The following INO80D variants were observed in gnomAD, a reference collection of about 807,000 sequenced individuals.
INO80D encodes the protein INO80 complex subunit D.
INO80D carries 21 observed loss-of-function variants against 87.6 expected under a neutral mutation model. The observed-to-expected ratio is 0.24, with a 90% CI of 0.17 to 0.35. The LOEUF (loss-of-function observed/expected upper bound fraction) is 0.35. Among genes scored for constraint, INO80D ranks in the 10% least tolerant of loss-of-function variants. The pLI, the probability that INO80D is intolerant of heterozygous loss-of-function variation, is 1.00. For missense variants in INO80D, 982 were observed against 1,280.7 expected, an observed-to-expected ratio of 0.77 and a Z score of 3.56; for synonymous variants, 440 against 491.0, an observed-to-expected ratio of 0.90 and a Z score of 1.37.
Position 206,062,936 on chromosome 2 carries a change from C to A in INO80D, c.81G>T (p.Gln27His). The change falls in exon 3 of 11, where the codon CAG (glutamine) becomes CAT (histidine). Residue 27 changes from glutamine (Q) to histidine (H), a missense_variant. Gln to His is a conservative substitution (Grantham distance 24). Coordinates refer to ENST00000403263, the MANE Select transcript of INO80D (RefSeq NM_017759.5). The surrounding 1 kb of genome is among the most constrained non-coding windows in gnomAD (Gnocchi z 4.6). ...AGAAGGCGTAGCCGTTGAGTCGCCT[C>A]TGCTTGCACAGTTTGGGGCTATATG... ...LCSYSPKLCK[Q>H]RRLNGYAFCI... 6.2e-7 allele frequency: 1 copy of A among 1,613,514 alleles called. No homozygotes were observed. Among genetic ancestry groups the A allele is most frequent in the Non-Finnish European group, 8.5e-7 (1 of 1,179,788 alleles).
intron 5 of INO80D, among the ~76,000 whole-genome samples, chr2:206,044,039 A>G (rs1023661571): frequency 6.6e-6 from 1 of 152,036 alleles, no homozygotes; most frequent in Non-Finnish European, 1.5e-5. Flanking sequence ...CAAAAAACTT[A>G]AAAATTAGCC....
intron 1 of INO80D, among the ~76,000 whole-genome samples, chr2:206,079,862 A>G (rs761645164): frequency 8.5e-5 from 13 of 152,092 alleles, no homozygotes; most frequent in Non-Finnish European, 1.8e-4. Context: ...CTGGGAGGTA[A>G]CAGAACCACA....
rs1247602393 is a variant in INO80D at position 205,998,926 on chromosome 2, C to T, written c.*5442G>A. On this transcript the variant is annotated 3_prime_UTR_variant, in exon 11 of 11. Coordinates refer to ENST00000403263, the MANE Select transcript of INO80D (RefSeq NM_017759.5). Reference sequence around the variant, plus strand: ...CTATCACTGTTGAGAGGAACAGATTCAACCCTTCCAAACAGATGAAGACAA... The same window carrying T: ...CTATCACTGTTGAGAGGAACAGATTTAACCCTTCCAAACAGATGAAGACAA... 1 of 152,234 alleles carries T rather than the reference C, an allele frequency of 6.6e-6. No homozygotes were observed. The highest frequency in any genetic ancestry group is 1.5e-5 in the Non-Finnish European group (1 of 68,056). 9.4% of individuals were successfully genotyped at this position (152,234 alleles called of 1,614,324 possible).
intron 1 of INO80D, among the ~76,000 whole-genome samples, chr2:206,073,963 C>G (rs1471560545): frequency 6.6e-6 from 1 of 152,128 alleles, no homozygotes; most frequent in African/African-American, 2.4e-5. Context: ...CCTGCCTCAG[C>G]CTACCAAACT....
intron 4 of INO80D, among the ~76,000 whole-genome samples, chr2:206,052,042 G>A (rs542650034): frequency 1.5e-4 from 23 of 152,222 alleles, no homozygotes; most frequent in African/African-American, 5.3e-4. Flanking sequence ...TTATTAAATC[G>A]ATCCCTGAGC....
At chr2:206,072,775 CTTA>C (rs1690009437) in intron 1 of INO80D, among the ~76,000 whole-genome samples, 1 of 151,536 alleles carries the variant, frequency 6.6e-6, no homozygotes, top group Non-Finnish European at 1.5e-5. Context: ...ATAAAGCATA[CTTA>C]TTATAGAATT....
At chr2:206,029,469 T>G (rs1464130342) in intron 5 of INO80D, among the ~76,000 whole-genome samples, 1 of 152,246 alleles carries the variant, frequency 6.6e-6, no homozygotes, top group East Asian at 1.9e-4. Flanking sequence ...ACTTGAAAAC[T>G]GACCTGTTAT....
chr2:206,016,261 G>A (rs1161732802), intron 8 of INO80D, among the ~76,000 whole-genome samples: 1 of 152,182 alleles, frequency 6.6e-6, no homozygotes, highest in Non-Finnish European at 1.5e-5. Flanking sequence ...TGAAGTCAAA[G>A]GAGATGATTT....
chr2:206,052,510 T>A (rs1689400764), intron 4 of INO80D, among the ~76,000 whole-genome samples: 1 of 152,166 alleles, frequency 6.6e-6, no homozygotes, highest in Non-Finnish European at 1.5e-5. Flanking sequence ...TCATTTTTAT[T>A]TGAAAGAGAA....
Position 206,004,737 on chromosome 2 carries a change from G to A in INO80D, c.2715C>T (p.Asn905=). The change falls in exon 11 of 11, where the codon AAC becomes AAT. Residue 905 remains asparagine (N), a synonymous_variant. Coordinates refer to ENST00000403263, the MANE Select transcript of INO80D (RefSeq NM_017759.5). This position sits in a 1 kb window ranked among gnomAD's most constrained non-coding sequence, Gnocchi z 4.9. ...GAAGATGTCCATCTGCGCCGAGAAG[G>A]TTGCTAAATGGAGAGGGGTCTCCAA... ...VNLGDPSPFS[N]LLGADGHLLS... The A allele has an allele frequency of 6.2e-7, 1 of 1,614,016 alleles. No individual in the cohort carries two copies. The highest frequency in any genetic ancestry group is 8.5e-7 in the Non-Finnish European group (1 of 1,179,896).
intron 8 of INO80D, among the ~76,000 whole-genome samples, chr2:206,012,423 G>A (rs1213846346): frequency 6.6e-6 from 1 of 152,152 alleles, no homozygotes; most frequent in East Asian, 1.9e-4. Flanking sequence ...TGGCTGCTAT[G>A]TAAACAACAT....
chr2:206,025,539 A>AT (rs1201466766), intron 6 of INO80D: 155 of 107,550 alleles, frequency 1.4e-3, no homozygotes, highest in South Asian at 2.4e-3. Context: ...AAAAAAAAAA[A>AT]AAAATATATA....
At chr2:206,016,132 C>G (rs1347954834) in intron 8 of INO80D, among the ~76,000 whole-genome samples, 1 of 152,072 alleles carries the variant, frequency 6.6e-6, no homozygotes, top group Non-Finnish European at 1.5e-5. Flanking sequence ...AGCAGATACT[C>G]AATGCCAGCC....
chr2:206,001,592 T>C lies in INO80D; in HGVS notation c.*2776A>G, dbSNP rs1348035154. The C allele has an allele frequency of 6.6e-6, 1 of 152,190 alleles. No individual in the cohort carries two copies. Among genetic ancestry groups the C allele is most frequent in the African/African-American group, 2.4e-5 (1 of 41,432 alleles). 9.4% of individuals were successfully genotyped at this position (152,190 alleles called of 1,614,324 possible). The stretch of plus-strand genomic sequence containing the variant: ...GCCACTTCATTCCTTTCTATACATA[T>C]TAATAGCAAAGTTCCTACTAATAGA... On this transcript the variant is annotated 3_prime_UTR_variant, in exon 11 of 11. Coordinates refer to ENST00000403263, the MANE Select transcript of INO80D (RefSeq NM_017759.5).
rs1459497842 is a variant in INO80D, at chr2:205,998,503, G to A, written c.*5865C>T. 2 of 146,304 alleles carry A rather than the reference G, an allele frequency of 1.4e-5. No individual in the cohort carries two copies. The highest frequency in any genetic ancestry group is 3.0e-5 in the Non-Finnish European group (2 of 66,796). The allele number at this position is 146,304 out of a possible 1,614,324, so 9.1% of individuals were successfully genotyped here. Reference sequence around the variant, plus strand: ...TATATATTTAGCTATTAAACACATAGGCAACATAATTCATTACACTCGATA... The same window carrying A: ...TATATATTTAGCTATTAAACACATAAGCAACATAATTCATTACACTCGATA... On this transcript the variant is annotated 3_prime_UTR_variant, in exon 11 of 11. Transcript: ENST00000403263.
chr2:205,994,874 C>CAAAAA lies in INO80D; in HGVS notation c.*9489_*9493dup, dbSNP rs11306784. 2 of 98,390 alleles carry CAAAAA rather than the reference C, an allele frequency of 2.0e-5. No individual in the cohort carries two copies. The highest frequency in any genetic ancestry group is 2.0e-5 in the Non-Finnish European group (1 of 49,536). The allele number at this position is 98,390 out of a possible 1,614,324, so 6.1% of individuals were successfully genotyped here. A position where few individuals can be genotyped will look rare whatever the true frequency, so the allele number is the denominator to read the frequency against. On this transcript the variant is annotated 3_prime_UTR_variant, in exon 11 of 11. Transcript: ENST00000403263. ...TCAAGCACATGCAACTTGGAACTCG[C>CAAAAA]AAAAAAAAAAAAAAAAGAAAGAAAG...
At chr2:206,051,632 A>AG (rs1369053201) in intron 4 of INO80D, among the ~76,000 whole-genome samples, 2 of 152,126 alleles carry the variant, frequency 1.3e-5, no homozygotes, top group Non-Finnish European at 2.9e-5. Flanking sequence ...TGGAGTATAT[A>AG]GGTCAACACT....
chr2:206,080,735 G>A (rs1036609103), intron 1 of INO80D, among the ~76,000 whole-genome samples: 18 of 151,576 alleles, frequency 1.2e-4, no homozygotes, highest in Middle Eastern at 3.4e-3. Flanking sequence ...GTGAAACCCC[G>A]TCTCTACTAA....
chr2:206,078,061 C>CAAAAAAAAAAAAAAAAAAAAAAAAAAA (rs71410859), intron 1 of INO80D, among the ~76,000 whole-genome samples: 1 of 63,062 alleles, frequency 1.6e-5, no homozygotes, highest in African/African-American at 6.4e-5. Context: ...GCAATGTTTA[C>CAAAAAAAAAAAAAAAAAAAAAAAAAAA]AAAAAAAAAA....
Sources: allele counts gnomAD v4.1 joint callset (sites outside exome capture counted in the v4.1 genomes callset), GRCh38; gene constraint gnomAD v4.1.1; non-coding constraint Gnocchi (gnomAD v3.1); transcripts MANE v1.5; gene names NCBI Gene and HGNC (gene_info 2026-07-23, HGNC 2026-07-21).